Variants in IKBKG observed in about 807,000 individuals in gnomAD.
IKBKG encodes inhibitor of nuclear factor kappa B kinase regulatory subunit gamma.
In IKBKG, 2 loss-of-function variants were observed where a neutral mutation model predicts 13.7. The ratio of observed to expected loss-of-function variants is 0.15; its 90% CI spans 0.06 to 0.46. The LOEUF (loss-of-function observed/expected upper bound fraction) is 0.46. IKBKG is among the 20% of genes least tolerant of loss of function. The probability of loss-of-function intolerance (pLI) is 0.98; values close to 1 mark genes in which losing one functional copy is unlikely to be tolerated. For missense variants in IKBKG, 53 were observed against 150.3 expected (o/e 0.35, Z 3.39); for synonymous variants, 22 against 64.4 (o/e 0.34, Z 3.15).
At chrX:154,551,729 C>G (rs782738025) in intron 1 of IKBKG, among the ~76,000 whole-genome samples, 1 of 111,074 alleles carries the variant, frequency 9.0e-6, no homozygotes, top group Non-Finnish European at 1.9e-5. Context: ...AGTCTTGTCC[C>G]GACTCTCCCA....
At chrX:154,551,112 A>ATT (rs55905799) in intron 1 of IKBKG, among the ~76,000 whole-genome samples, 1,989 of 88,387 alleles carry the variant, frequency 0.023, 93 homozygotes, top group African/African-American at 0.084. Context: ...GTGACCGGCA[A>ATT]TTTTTTTTTT....
chrX:154,548,065 G>A, intron 1 of IKBKG: 3 of 755,015 alleles, frequency 4.0e-6, no homozygotes, highest in Non-Finnish European at 4.7e-6. Context: ...CTTCGGAAAT[G>A]CCTCACATAT....
upstream of IKBKG, among the ~76,000 whole-genome samples, chrX:154,544,015 C>T (rs1420662620): frequency 9.1e-6 from 1 of 109,730 alleles, no homozygotes; most frequent in East Asian, 2.8e-4. Flanking sequence ...TACAGGTGCC[C>T]ACACCAGGCC....
intron 1 of IKBKG, among the ~76,000 whole-genome samples, chrX:154,550,014 C>T (rs1557234661): frequency 8.9e-6 from 1 of 111,733 alleles, no homozygotes. Context: ...CATGTGTTTT[C>T]ATTTCTCTCC....
chrX:154,542,324 A>G (rs1449943436), exon 2 of IKBKG: 3 of 1,188,731 alleles, frequency 2.5e-6, no homozygotes, highest in Non-Finnish European at 3.4e-6. Flanking sequence ...CCCGCAGACT[A>G]TCAATCCCAG....
chrX:154,547,919 G>C (rs898304404), intron 1 of IKBKG, 174 bp downstream of exon 1: 91 of 753,611 alleles, frequency 1.2e-4, no homozygotes, highest in Non-Finnish European at 1.4e-4. Flanking sequence ...TACTTGGGCG[G>C]CGAGCTGGAC....
At chrX:154,546,011 A>C (rs782240931), upstream of IKBKG, 2 of 1,209,118 alleles carry the variant, frequency 1.7e-6, no homozygotes, top group Non-Finnish European at 2.2e-6. Context: ...CTGGCTTTTA[A>C]GATTGGGGCC....
At chrX:154,555,868 C>CCCCACCCAGCCAAAA (rs1557235941) in intron 2 of IKBKG, among the ~76,000 whole-genome samples, 2 of 113,129 alleles carry the variant, frequency 1.8e-5, no homozygotes, top group African/African-American at 3.2e-5. Flanking sequence ...GCATGAGCCA[C>CCCCACCCAGCCAAAA]AGTGCCTGGC....
upstream of IKBKG, chrX:154,545,824 A>C: frequency 2.4e-6 from 1 of 417,769 alleles, no homozygotes; most frequent in East Asian, 4.3e-5. Flanking sequence ...GACCAGAGCA[A>C]AACTCCGTCT....
At chrX:154,547,016 T>C, upstream of IKBKG, 1 of 210,751 alleles carries the variant, frequency 4.7e-6, no homozygotes, top group Non-Finnish European at 8.3e-6. Context: ...AGCCCCTGCC[T>C]CTCGGGCACC....
upstream of IKBKG, chrX:154,547,609 G>A (rs1557233981): frequency 1.3e-6 from 1 of 753,913 alleles, no homozygotes; most frequent in East Asian, 1.5e-4. Flanking sequence ...GGATCCCACA[G>A]CTATGACACC....
At chrX:154,545,886 G>C, upstream of IKBKG, 2 of 645,840 alleles carry the variant, frequency 3.1e-6, no homozygotes, top group Non-Finnish European at 4.9e-6. Flanking sequence ...ACACCAGGTA[G>C]AGCCGGGATG....
At chrX:154,550,820 T>A (rs1433823091) in intron 1 of IKBKG, among the ~76,000 whole-genome samples, 2 of 110,358 alleles carry the variant, frequency 1.8e-5, no homozygotes, top group Non-Finnish European at 3.8e-5. Flanking sequence ...TTTTGTATTT[T>A]TTTTTTTTGA....
At chrX:154,546,962 G>A (rs1485665441), upstream of IKBKG, 4 of 331,070 alleles carry the variant, frequency 1.2e-5, no homozygotes, top group Non-Finnish European at 1.8e-5. Context: ...CACCCCTCGT[G>A]CGGGCGGGGC....
At chrX:154,553,335 C>G (rs1411821666) in intron 2 of IKBKG, among the ~76,000 whole-genome samples, 1 of 112,642 alleles carries the variant, frequency 8.9e-6, no homozygotes, top group Non-Finnish European at 1.9e-5. Flanking sequence ...GACTGTGGTC[C>G]GAGATGTTAT....
intron 1 of IKBKG, among the ~76,000 whole-genome samples, chrX:154,549,096 A>T (rs2070849928): frequency 9.5e-6 from 1 of 104,727 alleles, no homozygotes; most frequent in African/African-American, 3.6e-5. Flanking sequence ...GATTCAAGCG[A>T]TTCTTCTGCC....
chrX:154,553,414 G>A (rs1441424452), intron 2 of IKBKG, among the ~76,000 whole-genome samples: 1 of 112,795 alleles, frequency 8.9e-6, no homozygotes, highest in Non-Finnish European at 1.9e-5. Flanking sequence ...GACACCCCGT[G>A]GGCAGAGACA....
chrX:154,555,846 C>T (rs1267713352), intron 2 of IKBKG, among the ~76,000 whole-genome samples: 1 of 112,889 alleles, frequency 8.9e-6, no homozygotes, highest in African/African-American at 3.2e-5. Flanking sequence ...TCCCAAAGTG[C>T]TGGGATTACA....
chrX:154,555,009 G>T (rs1003607884), intron 2 of IKBKG, among the ~76,000 whole-genome samples: 6 of 111,618 alleles, frequency 5.4e-5, no homozygotes, highest in African/African-American at 1.3e-4. Context: ...TGGGTGTGGG[G>T]CTCTCCTTCC....
Sources: gnomAD v4.1 joint callset for allele counts (sites outside exome capture counted in the v4.1 genomes callset) on GRCh38, gnomAD v4.1.1 for gene constraint, MANE v1.5 for transcripts, NCBI Gene and HGNC (gene_info 2026-07-23, HGNC 2026-07-21) for gene names.